The following RAE1 variants were observed in gnomAD, a reference collection of about 807,000 sequenced individuals.
RAE1 encodes mRNA export factor RAE1.
In RAE1, 13 loss-of-function variants were observed where a neutral mutation model predicts 52.7. The ratio of observed to expected loss-of-function variants is 0.25; its 90% CI spans 0.16 to 0.39. The LOEUF (loss-of-function observed/expected upper bound fraction) is 0.39. RAE1 is among the 10% of genes least tolerant of loss of function. RAE1 has a pLI of 1.00. For missense variants in RAE1, 262 were observed against 459.8 expected, an observed-to-expected ratio of 0.57 and a Z score of 3.93; for synonymous variants, 164 against 153.1, an observed-to-expected ratio of 1.07 and a Z score of -0.52.
chr20:57,352,645 G>A (rs886970492), intron 1 of RAE1, among the ~76,000 whole-genome samples: 2 of 152,200 alleles, frequency 1.3e-5, no homozygotes, highest in Admixed American at 6.5e-5. Context: ...CCAACTTGAA[G>A]GTTGAGGTAG....
intron 4 of RAE1, among the ~76,000 whole-genome samples, chr20:57,364,579 A>T (rs557212253): frequency 1.3e-5 from 2 of 152,368 alleles, no homozygotes; most frequent in South Asian, 2.1e-4. Flanking sequence ...AATATAGACT[A>T]GGCCAAGGTT....
Position 57,351,378 on chromosome 20 carries a change from C to T in RAE1, c.-52C>T, listed in dbSNP as rs2066706086. The T allele has an allele frequency of 1.5e-5, 15 of 985,520 alleles. No homozygotes were observed. The highest frequency in any genetic ancestry group is 4.7e-5 in the South Asian group (1 of 21,300). 61.0% of individuals were successfully genotyped at this position (985,520 alleles called of 1,614,324 possible). A position where few individuals can be genotyped will look rare whatever the true frequency, so the allele number is the denominator to read the frequency against. On this transcript the variant is annotated 5_prime_UTR_variant, in exon 1 of 12. Transcript: ENST00000395841. ...GAGCAGGTTCGCAAACTCCTCAGACCCTTCTGCTCCCGGCCGCCGCTTTCC... is the reference window on the plus strand; with the variant it reads ...GAGCAGGTTCGCAAACTCCTCAGACTCTTCTGCTCCCGGCCGCCGCTTTCC...
intron 4 of RAE1, among the ~76,000 whole-genome samples, chr20:57,362,158 C>G (rs1184623793): frequency 6.6e-6 from 1 of 152,212 alleles, no homozygotes; most frequent in Admixed American, 6.5e-5. Context: ...CCTGGTGCCA[C>G]AAAGGTTGGG....
chr20:57,356,410 T>A (rs897351349), intron 3 of RAE1, 36 bp from the exon 4 acceptor site: 4 of 1,539,088 alleles, frequency 2.6e-6, no homozygotes, highest in Non-Finnish European at 3.6e-6. Flanking sequence ...TACATCGTAA[T>A]TGCTTTGTTT....
chr20:57,354,643 G>T, intron 2 of RAE1, 69 bp from the exon 3 acceptor site: 1 of 1,178,552 alleles, frequency 8.5e-7, no homozygotes. Flanking sequence ...GGTAATTAGT[G>T]AGAAAGAAAA....
Position 57,378,249 on chromosome 20 carries a change from C to A in RAE1, c.*150C>A. The A allele has an allele frequency of 1.6e-6, 1 of 640,958 alleles. No homozygotes were observed. The highest frequency in any genetic ancestry group is 2.6e-6 in the Non-Finnish European group (1 of 384,480). The allele number at this position is 640,958 out of a possible 1,614,324, so 39.7% of individuals were successfully genotyped here. A position where few individuals can be genotyped will look rare whatever the true frequency, so the allele number is the denominator to read the frequency against. The stretch of plus-strand genomic sequence containing the variant: ...GATGTCATTGTTCAGCAGCTGAGAG[C>A]CCAGGCGTCCGCGGCGACTTGCCGT... On this transcript the variant is annotated 3_prime_UTR_variant, in exon 12 of 12. Coordinates refer to ENST00000395841, the MANE Select transcript of RAE1 (RefSeq NM_003610.4).
chr20:57,352,760 G>A (rs1424507453), intron 1 of RAE1, among the ~76,000 whole-genome samples: 1 of 152,188 alleles, frequency 6.6e-6, no homozygotes, highest in African/African-American at 2.4e-5. Context: ...AGATATTAGT[G>A]TCTCTGTTTT....
intron 7 of RAE1, among the ~76,000 whole-genome samples, chr20:57,368,164 G>A (rs544680540): frequency 9.8e-4 from 150 of 152,318 alleles, no homozygotes; most frequent in Non-Finnish European, 1.9e-3. Context: ...GGGATTACAG[G>A]CGTGAGCCAC....
intron 4 of RAE1, chr20:57,358,473 G>A (rs2066832534): frequency 6.6e-6 from 1 of 152,412 alleles, no homozygotes; most frequent in Non-Finnish European, 1.5e-5. Context: ...TAGGATGTGT[G>A]ATGATTTAAG....
rs778653821 is a variant in RAE1, at chr20:57,373,424, T to C, written c.643-51T>C. 2.4e-5 allele frequency: 38 copies of C among 1,553,844 alleles called. No individual in the cohort carries two copies. The South Asian group carries it at 3.8e-4, about 16-fold the overall frequency. The stretch of plus-strand genomic sequence containing the variant: ...AAATGACTTACCTTCACGTTAGTCA[T>C]GAAATCTTATATTATGCTGTGATTA... On this transcript the variant is annotated intron_variant, in intron 8 of 11. Coordinates refer to ENST00000395841, the MANE Select transcript of RAE1 (RefSeq NM_003610.4).
At chr20:57,366,983 A>C (rs766881201) in intron 6 of RAE1, 25 bp from the exon 7 acceptor site, 4 of 1,596,850 alleles carry the variant, frequency 2.5e-6, no homozygotes, top group South Asian at 1.1e-5. Flanking sequence ...ATGGTCACAT[A>C]CTGGCTTCTC....
At chr20:57,356,393 C>G in intron 3 of RAE1, 53 bp from the exon 4 acceptor site, 1 of 1,425,752 alleles carries the variant, frequency 7.0e-7, no homozygotes, top group Admixed American at 1.9e-5. Context: ...GTGTTAAATG[C>G]AAGCAATACA....
intron 6 of RAE1, 55 bp downstream of exon 6, chr20:57,366,948 T>C: frequency 6.3e-7 from 1 of 1,587,500 alleles, no homozygotes; most frequent in Non-Finnish European, 8.7e-7. Context: ...CATTTATTTT[T>C]GCACCATTTC....
intron 1 of RAE1, chr20:57,351,777 C>A: frequency 4.1e-6 from 4 of 985,524 alleles, no homozygotes; most frequent in Non-Finnish European, 4.8e-6. Context: ...AGGGCGTCCC[C>A]TTTTAGCCTC....
chr20:57,358,899 G>T, intron 4 of RAE1: 1 of 1,278,308 alleles, frequency 7.8e-7, no homozygotes, highest in Non-Finnish European at 1.0e-6. Context: ...AGGGCCTGTA[G>T]GCTTGTTGGA....
Position 57,354,772 on chromosome 20 carries a change from A to T in RAE1, c.151A>T (p.Thr51Ser), listed in dbSNP as rs146535731. ...TGGTTGTCTGTCTTTTAGCCCACCA[A>T]CCTTGCCGGGGAACTTTCTTATTGC... is the stretch of plus-strand genomic sequence containing the variant. ...SIGCLSFSPPTLPGNFLIAGS... is the reference protein window; with the variant it reads ...SIGCLSFSPPSLPGNFLIAGS... The change falls in exon 3 of 12, where the codon ACC becomes TCC. Residue 51 changes from threonine to serine, a missense_variant. Physicochemically the swap from Thr to Ser is moderately conservative, Grantham distance 58. Transcript: ENST00000395841. 4.4e-6 allele frequency: 7 copies of T among 1,604,590 alleles called. No individual in the cohort carries two copies. The highest frequency in any genetic ancestry group is 3.3e-5 in the South Asian group (3 of 89,820).
chr20:57,373,415 C>T (rs970201336), intron 8 of RAE1, 60 bp from the exon 9 acceptor site: 5 of 1,504,110 alleles, frequency 3.3e-6, no homozygotes, highest in East Asian at 2.3e-5. Context: ...CTTACCTTCA[C>T]GTTAGTCATG....
chr20:57,355,470 G>A (rs6070076), intron 3 of RAE1, among the ~76,000 whole-genome samples: 1 of 152,154 alleles, frequency 6.6e-6, no homozygotes, highest in African/African-American at 2.4e-5. Context: ...ATGGCTGGTA[G>A]GTATGTAAGT....
At chr20:57,361,136 G>A (rs902278818) in intron 4 of RAE1, among the ~76,000 whole-genome samples, 8 of 152,178 alleles carry the variant, frequency 5.3e-5, no homozygotes, top group African/African-American at 1.9e-4. Flanking sequence ...GTTGCTTACA[G>A]TTCTGGAAAT....
Sources: allele counts gnomAD v4.1 joint callset (sites outside exome capture counted in the v4.1 genomes callset), GRCh38; gene constraint gnomAD v4.1.1; transcripts MANE v1.5; gene names NCBI Gene and HGNC (gene_info 2026-07-23, HGNC 2026-07-21).